Variants in EYS observed in about 807,000 individuals in gnomAD.
EYS encodes EGF-like photoreceptor maintenance factor, also known as protein eyes shut homolog.
A neutral mutation model predicts 282.1 loss-of-function variants in EYS; 250 were observed. That is an observed-to-expected ratio of 0.89 (90% CI 0.80 to 0.98). EYS has a LOEUF of 0.98. Among genes scored for constraint, EYS ranks in the 50% least tolerant of loss-of-function variants. EYS has a pLI of 0.00. For missense variants in EYS, 4,016 were observed against 3,709.0 expected, an observed-to-expected ratio of 1.08 and a Z score of -2.15; for synonymous variants, 1,355 against 1,282.9, an observed-to-expected ratio of 1.06 and a Z score of -1.20.
chr6:64,125,154 G>GCGCGCGCGCGCGCTCTC (rs1773724746), intron 31 of EYS, among the ~76,000 whole-genome samples: 1 of 145,262 alleles, frequency 6.9e-6, no homozygotes, highest in African/African-American at 2.6e-5. Context: ...CACACTCTCT[G>GCGCGCGCGCGCGCTCTC]TCTCTCTCTC....
chr6:65,688,277 T>C (rs1441587562), intron 1 of EYS, among the ~76,000 whole-genome samples: 5 of 151,954 alleles, frequency 3.3e-5, no homozygotes, highest in African/African-American at 7.2e-5. Context: ...GAAATAATGC[T>C]GCATATCTAC....
intron 19 of EYS, among the ~76,000 whole-genome samples, chr6:64,837,958 A>G (rs1380619918): frequency 1.3e-5 from 2 of 151,650 alleles, no homozygotes; most frequent in Non-Finnish European, 3.0e-5. Context: ...CCACCTTGCA[A>G]TATATGCATA....
rs1764904737 is a variant in EYS at position 65,463,897 on chromosome 6, C to T, written c.862+26697G>A. ...CTGACTGCAAAAATTCAAAAAATTG[C>T]AACCTCAGGCATAAATGGGTTAACT... On this transcript the variant is annotated intron_variant, in intron 5 of 42. Transcript: ENST00000503581. Among the ~76,000 whole-genome samples, 3 of 152,032 alleles carry T rather than the reference C, an allele frequency of 2.0e-5. No individual in the cohort carries two copies. The South Asian group carries it at 6.2e-4, about 32-fold the overall frequency.
At chr6:65,034,098 G>A (rs960333824) in intron 13 of EYS, among the ~76,000 whole-genome samples, 6 of 152,180 alleles carry the variant, frequency 3.9e-5, no homozygotes, top group Non-Finnish European at 8.8e-5. Context: ...GAACTTGCAC[G>A]GGGCCTGTAG....
intron 2 of EYS, among the ~76,000 whole-genome samples, chr6:65,612,938 T>C (rs73451243): frequency 0.017 from 2,623 of 151,836 alleles, 86 homozygotes; most frequent in African/African-American, 0.06. Context: ...ATGAAGGCTG[T>C]TTAGGTATGA....
chr6:63,969,229 G>A (rs879440532), intron 35 of EYS, among the ~76,000 whole-genome samples: 3 of 152,100 alleles, frequency 2.0e-5, no homozygotes, highest in Non-Finnish European at 4.4e-5. Context: ...TAGCATAGTA[G>A]GCTCTCTTTT....
intron 26 of EYS, among the ~76,000 whole-genome samples, chr6:64,466,015 A>AATAC (rs3046650): frequency 0.23 from 35,505 of 151,872 alleles, 4,990 homozygotes; most frequent in East Asian, 0.35. Flanking sequence ...AAGAGCACTA[A>AATAC]TCAGTAGAAA....
chr6:64,120,525 A>G (rs1582298075), intron 31 of EYS, among the ~76,000 whole-genome samples: 3 of 152,036 alleles, frequency 2.0e-5, no homozygotes, highest in African/African-American at 7.2e-5. Context: ...AGAAAAGAAA[A>G]AGGTAACAGA....
At chr6:64,759,078 G>A (rs1017909626) in intron 22 of EYS, among the ~76,000 whole-genome samples, 1 of 152,274 alleles carries the variant, frequency 6.6e-6, no homozygotes, top group Non-Finnish European at 1.5e-5. Context: ...GGCGAAGCTT[G>A]CAGTGAGAAG....
At chr6:64,809,964 T>C (rs151250107) in intron 22 of EYS, among the ~76,000 whole-genome samples, 15 of 152,126 alleles carry the variant, frequency 9.9e-5, no homozygotes, top group African/African-American at 3.4e-4. Flanking sequence ...CTTTAATCTA[T>C]AATAAATGTT....
chr6:65,237,151 G>A (rs1766948053), intron 12 of EYS, among the ~76,000 whole-genome samples: 1 of 152,046 alleles, frequency 6.6e-6, no homozygotes, highest in Non-Finnish European at 1.5e-5. Context: ...CCAGGAGTAA[G>A]CATATGCCTT....
chr6:64,541,866 A>T (rs1764703791), intron 26 of EYS, among the ~76,000 whole-genome samples: 1 of 152,182 alleles, frequency 6.6e-6, no homozygotes, highest in South Asian at 2.1e-4. Context: ...TTTACATATT[A>T]TCTAGAGAAC....
chr6:65,260,176 A>G (rs994431988), intron 12 of EYS, among the ~76,000 whole-genome samples: 2 of 152,056 alleles, frequency 1.3e-5, no homozygotes, highest in African/African-American at 4.8e-5. Flanking sequence ...AGCCCCTTAT[A>G]AAACCATCAC....
At chr6:63,768,227 G>C (rs1769844854) in intron 40 of EYS, among the ~76,000 whole-genome samples, 1 of 151,820 alleles carries the variant, frequency 6.6e-6, no homozygotes, top group South Asian at 2.1e-4. Flanking sequence ...TGACAAGTGG[G>C]ACCTAATTAA....
chr6:64,739,368 T>A (rs1482763107), intron 22 of EYS, among the ~76,000 whole-genome samples: 2 of 152,238 alleles, frequency 1.3e-5, no homozygotes, highest in Non-Finnish European at 2.9e-5. Context: ...CAATTGTCTG[T>A]GTATACCAAC....
At position 64,165,407 on chromosome 6, in the gene EYS, C is replaced by T. The variant is rs1483344323; in HGVS notation, c.6424+65185G>A. On this transcript the variant is annotated intron_variant, in intron 31 of 42. Transcript: ENST00000503581. ...TAATGTATTAAGTAACAATAGTTTT[C>T]AATGAAACCTTAAACTGTTCTTTCT... is the stretch of plus-strand genomic sequence containing the variant. 7.9e-5 allele frequency among the ~76,000 whole-genome samples: 12 copies of T among 151,922 alleles called. No homozygotes were observed. The South Asian group carries it at 2.5e-3, about 32-fold the overall frequency.
chr6:65,101,706 A>C (rs1774897118), intron 12 of EYS, among the ~76,000 whole-genome samples: 1 of 151,234 alleles, frequency 6.6e-6, no homozygotes, highest in South Asian at 2.1e-4. Context: ...TTGGAGTCAC[A>C]GTTCATCTTG....
chr6:63,978,213 T>C (rs1766932206), intron 35 of EYS, among the ~76,000 whole-genome samples: 1 of 151,976 alleles, frequency 6.6e-6, no homozygotes, highest in South Asian at 2.1e-4. Context: ...ATAAGAAAGA[T>C]AGGAAAAACT....
At chr6:65,377,166 T>C (rs977093596) in intron 8 of EYS, among the ~76,000 whole-genome samples, 1 of 151,624 alleles carries the variant, frequency 6.6e-6, no homozygotes, top group Non-Finnish European at 1.5e-5. Flanking sequence ...GATGCAAATG[T>C]AAAAAAACAG....
Sources: allele counts gnomAD v4.1 joint callset (sites outside exome capture counted in the v4.1 genomes callset), GRCh38; gene constraint gnomAD v4.1.1; transcripts MANE v1.5; gene names NCBI Gene and HGNC (gene_info 2026-07-23, HGNC 2026-07-21).